The following OIT3 variants were observed in gnomAD, a reference collection of about 807,000 sequenced individuals.
The protein encoded by OIT3 is oncoprotein induced transcript 3, also known as oncoprotein-induced transcript 3 protein.
OIT3 carries 41 observed loss-of-function variants against 52.2 expected under a neutral mutation model. That is an observed-to-expected ratio of 0.79 (90% CI 0.61 to 1.02). The LOEUF (loss-of-function observed/expected upper bound fraction) is 1.02. Among genes scored for constraint, OIT3 ranks in the 50% least tolerant of loss-of-function variants. OIT3 has a pLI of 0.00. For missense variants in OIT3, 634 were observed against 715.5 expected (o/e 0.89, Z 1.30); for synonymous variants, 244 against 276.9 (o/e 0.88, Z 1.18).
intron 1 of OIT3, among the ~76,000 whole-genome samples, chr10:72,894,603 G>A (rs539574413): frequency 6.6e-6 from 1 of 152,300 alleles, no homozygotes; most frequent in East Asian, 1.9e-4. Context: ...TTGTGGCCAG[G>A]CACGGTGGCT....
rs757641745 is a variant in OIT3, at chr10:72,911,780, G to T, written c.731G>T (p.Gly244Val). The T allele has an allele frequency of 1.2e-6, 2 of 1,613,780 alleles. No individual in the cohort carries two copies. The highest frequency in any genetic ancestry group is 2.2e-5 in the South Asian group (2 of 91,030). The change falls in exon 5 of 9, where the codon GGC becomes GTC. Residue 244 changes from glycine to valine, a missense_variant. Gly to Val is a moderately radical substitution (Grantham distance 109). Coordinates refer to ENST00000334011, the MANE Select transcript of OIT3 (RefSeq NM_152635.3). ...CSHSCLGSEK[G>V]YQCECPRGLV... Reference sequence around the variant, plus strand: ...CACTCTTGCCTTGGATCTGAGAAAGGCTACCAGTGTGAATGTCCCCGGGGC... The same window carrying T: ...CACTCTTGCCTTGGATCTGAGAAAGTCTACCAGTGTGAATGTCCCCGGGGC...
chr10:72,905,743 CAG>C (rs571799492), intron 3 of OIT3, among the ~76,000 whole-genome samples: 74 of 152,250 alleles, frequency 4.9e-4, no homozygotes, highest in South Asian at 1.7e-3. Flanking sequence ...GAGCCTTGGG[CAG>C]AGTTTCCTTA....
Position 72,932,430 on chromosome 10 carries a change from G to C in OIT3, c.1544G>C (p.Arg515Pro). 1 of 1,614,188 alleles carries C rather than the reference G, an allele frequency of 6.2e-7. No homozygotes were observed. The highest frequency in any genetic ancestry group is 8.5e-7 in the Non-Finnish European group (1 of 1,180,012). Residue 515 changes from arginine to proline, a missense_variant, in exon 9 of 9, where the codon CGG becomes CCG. By Grantham distance (103) the Arg-to-Pro change is moderately radical. Coordinates refer to ENST00000334011, the MANE Select transcript of OIT3 (RefSeq NM_152635.3). ...ERSRCAQGCH[R>P]RMRRGAGGED... ...TCCCGCTGTGCCCAGGGTTGCCACC[G>C]GCGAATGCGTCGTGGGGCAGGAGGA...
intron 8 of OIT3, among the ~76,000 whole-genome samples, chr10:72,931,579 C>A (rs2132952865): frequency 6.6e-6 from 1 of 152,170 alleles, no homozygotes; most frequent in East Asian, 1.9e-4. Context: ...AAAGAAAAAG[C>A]CCCAAACAAG....
rs201735988 is a variant in OIT3, at chr10:72,911,741, A to G, written c.692A>G (p.Asn231Ser). 8.7e-6 allele frequency: 14 copies of G among 1,613,720 alleles called. No homozygotes were observed. Among genetic ancestry groups the G allele is most frequent in the African/African-American group, 1.3e-5 (1 of 74,996 alleles). ...GACGTTGAAGGATGCCACAATAACAATGGTGGCTGCAGCCACTCTTGCCTT... is the reference window on the plus strand; with the variant it reads ...GACGTTGAAGGATGCCACAATAACAGTGGTGGCTGCAGCCACTCTTGCCTT... ...CEDVEGCHNNNGGCSHSCLGS... is the reference protein window; with the variant it reads ...CEDVEGCHNNSGGCSHSCLGS... Residue 231 changes from asparagine (N) to serine (S), a missense_variant, in exon 5 of 9, where the codon AAT (asparagine) becomes AGT (serine). Coordinates refer to ENST00000334011, the MANE Select transcript of OIT3 (RefSeq NM_152635.3).
intron 1 of OIT3, among the ~76,000 whole-genome samples, chr10:72,897,235 G>C (rs1239316120): frequency 6.6e-6 from 1 of 152,070 alleles, no homozygotes; most frequent in Non-Finnish European, 1.5e-5. Flanking sequence ...TGTTGACCAG[G>C]CTGGTCTCGA....
intron 5 of OIT3, among the ~76,000 whole-genome samples, chr10:72,912,263 CTTTTTTTTCTTTT>C (rs1350974414): frequency 5.3e-4 from 68 of 127,854 alleles, no homozygotes; most frequent in Non-Finnish European, 9.1e-4. Flanking sequence ...AAATCTAATT[CTTTTTTTTCTTTT>C]TTTTTTTTTT....
intron 6 of OIT3, among the ~76,000 whole-genome samples, chr10:72,916,326 A>C (rs1589526770): frequency 6.6e-6 from 1 of 151,686 alleles, no homozygotes; most frequent in African/African-American, 2.4e-5. Flanking sequence ...CCCCCCTCCT[A>C]CCTTCCACTC....
At chr10:72,897,164 C>T (rs1389925882) in intron 1 of OIT3, among the ~76,000 whole-genome samples, 1 of 152,148 alleles carries the variant, frequency 6.6e-6, no homozygotes, top group Non-Finnish European at 1.5e-5. Flanking sequence ...GCTGGGATTA[C>T]AGGCACGTGC....
intron 2 of OIT3, 89 bp from the exon 3 acceptor site, chr10:72,900,288 C>A (rs1051598353): frequency 5.6e-6 from 4 of 713,534 alleles, no homozygotes; most frequent in Non-Finnish European, 9.6e-6. Flanking sequence ...GATACCACCC[C>A]CCCCGACCCC....
intron 7 of OIT3, among the ~76,000 whole-genome samples, chr10:72,928,803 A>C (rs1846190159): frequency 6.6e-6 from 1 of 152,230 alleles, no homozygotes; most frequent in African/African-American, 2.4e-5. Context: ...GATCCCCTTC[A>C]GTTCAGTGGA....
rs140502295 is a variant in OIT3 at position 72,924,690 on chromosome 10, G to A, written c.1367+46G>A. 1,949 of 1,460,748 alleles carry A rather than the reference G, an allele frequency of 1.3e-3. 16 individuals carry two copies. In the African/African-American group the frequency reaches 0.022, roughly 17 times the overall value. 90.5% of individuals were successfully genotyped at this position (1,460,748 alleles called of 1,614,324 possible). A position where few individuals can be genotyped will look rare whatever the true frequency, so the allele number is the denominator to read the frequency against. On this transcript the variant is annotated intron_variant, in intron 7 of 8. Transcript: ENST00000334011. ...GTCTCATCACCCCTAGTTCACATCC[G>A]GCCTCTAAGTTCACAGCACACCCAG...
At chr10:72,927,401 A>G (rs1037003902) in intron 7 of OIT3, among the ~76,000 whole-genome samples, 1 of 152,160 alleles carries the variant, frequency 6.6e-6, no homozygotes, top group Non-Finnish European at 1.5e-5. Flanking sequence ...CGGCCTCCCA[A>G]AGTGCTGGGA....
chr10:72,913,029 G>A (rs1456918890), intron 5 of OIT3, among the ~76,000 whole-genome samples: 1 of 152,216 alleles, frequency 6.6e-6, no homozygotes, highest in Non-Finnish European at 1.5e-5. Context: ...TCAGTTCACA[G>A]AGTTATGCTG....
At chr10:72,919,207 T>G (rs887815183) in intron 6 of OIT3, among the ~76,000 whole-genome samples, 4 of 152,182 alleles carry the variant, frequency 2.6e-5, no homozygotes, top group Admixed American at 6.5e-5. Flanking sequence ...ATTCTTTTCG[T>G]GGCAATTGTG....
intron 6 of OIT3, among the ~76,000 whole-genome samples, chr10:72,921,835 C>T (rs973204392): frequency 6.6e-6 from 1 of 151,932 alleles, no homozygotes; most frequent in Non-Finnish European, 1.5e-5. Context: ...CCATCCCTGG[C>T]TAATTTTTAT....
At position 72,911,700 on chromosome 10, in the gene OIT3, GT is replaced by G. The variant is rs1564592643; in HGVS notation, c.668-15del. 1 of 1,610,160 alleles carries G rather than the reference GT, an allele frequency of 6.2e-7. No homozygotes were observed. Among genetic ancestry groups the G allele is most frequent in the Admixed American group, 1.7e-5 (1 of 59,376 alleles). On this transcript the variant is annotated splice_polypyrimidine_tract_variant and intron_variant, in intron 4 of 8. Coordinates refer to ENST00000334011, the MANE Select transcript of OIT3 (RefSeq NM_152635.3). Reference sequence around the variant, plus strand: ...GGGTTACGAGATTATTCCCTTTTCTGTTGGTTTCTACTGCAGACGTTGAAGG... The same window carrying G: ...GGGTTACGAGATTATTCCCTTTTCTGTGGTTTCTACTGCAGACGTTGAAGG...
At chr10:72,919,033 T>A (rs575057457) in intron 6 of OIT3, among the ~76,000 whole-genome samples, 1 of 152,220 alleles carries the variant, frequency 6.6e-6, no homozygotes, top group Non-Finnish European at 1.5e-5. Flanking sequence ...GGGAAAGCAG[T>A]GAGTCTATAA....
At chr10:72,926,353 A>T (rs1846169914) in intron 7 of OIT3, among the ~76,000 whole-genome samples, 1 of 152,204 alleles carries the variant, frequency 6.6e-6, no homozygotes, top group Non-Finnish European at 1.5e-5. Flanking sequence ...TTTAACAAAT[A>T]GCAATGCCCC....
Sources: allele counts gnomAD v4.1 joint callset (sites outside exome capture counted in the v4.1 genomes callset), GRCh38; gene constraint gnomAD v4.1.1; transcripts MANE v1.5; gene names NCBI Gene and HGNC (gene_info 2026-07-23, HGNC 2026-07-21).